Variants in ASB9 observed in about 807,000 individuals in gnomAD.
ASB9 encodes the protein ankyrin repeat and SOCS box containing 9.
A neutral mutation model predicts 16.6 loss-of-function variants in ASB9; 5 were observed. That is an observed-to-expected ratio of 0.30 (90% CI 0.16 to 0.63). ASB9 has a LOEUF of 0.63. Ranked by LOEUF, ASB9 falls within the 30% of genes least tolerant of loss-of-function variation. The pLI, the probability that ASB9 is intolerant of heterozygous loss-of-function variation, is 0.82. For synonymous variants in ASB9, 100 were observed against 86.4 expected (o/e 1.16, Z -0.87); for missense variants, 216 against 229.4 (o/e 0.94, Z 0.38).
chrX:15,246,649 T>C (rs921463787), intron 6 of ASB9, among the ~76,000 whole-genome samples: 1 of 110,942 alleles, frequency 9.0e-6, no homozygotes, highest in African/African-American at 3.3e-5. Context: ...CTAATTTTTT[T>C]TGTATTTTTA....
intron 1 of ASB9, among the ~76,000 whole-genome samples, chrX:15,264,846 T>C (rs1182574251): frequency 1.8e-5 from 2 of 111,558 alleles, no homozygotes; most frequent in Admixed American, 1.9e-4. Flanking sequence ...AGGTGGAAAG[T>C]CTAGGAGGGC....
chrX:15,266,045 C>T (rs918996716), intron 1 of ASB9, among the ~76,000 whole-genome samples: 23 of 110,900 alleles, frequency 2.1e-4, no homozygotes, highest in Admixed American at 1.4e-3. Flanking sequence ...TCAGGTGATC[C>T]GCCTGCCTCG....
intron 2 of ASB9, among the ~76,000 whole-genome samples, chrX:15,255,447 G>T (rs1021456141): frequency 2.7e-5 from 3 of 111,373 alleles, no homozygotes; most frequent in Admixed American, 9.5e-5. Flanking sequence ...CAAGGAAATC[G>T]GGATAATGGT....
At chrX:15,255,254 C>T (rs1037239890) in intron 2 of ASB9, among the ~76,000 whole-genome samples, 7 of 111,623 alleles carry the variant, frequency 6.3e-5, no homozygotes, top group Non-Finnish European at 1.1e-4. Context: ...AAAGATTACA[C>T]CCAACAAATC....
At chrX:15,257,749 T>C (rs922629308) in intron 2 of ASB9, among the ~76,000 whole-genome samples, 5 of 112,082 alleles carry the variant, frequency 4.5e-5, no homozygotes, top group Non-Finnish European at 9.4e-5. Flanking sequence ...AACTTTAATA[T>C]ATCTATTTTC....
intron 4 of ASB9, among the ~76,000 whole-genome samples, chrX:15,251,546 C>T (rs1925120862): frequency 8.9e-6 from 1 of 111,998 alleles, no homozygotes; most frequent in South Asian, 3.7e-4. Flanking sequence ...TTTGGGAGAT[C>T]ATTATGAGTG....
At chrX:15,262,300 G>C (rs1926035389) in intron 1 of ASB9, among the ~76,000 whole-genome samples, 1 of 111,730 alleles carries the variant, frequency 9.0e-6, no homozygotes. Flanking sequence ...CAATTCTCCT[G>C]AATATGCACC....
At chrX:15,263,294 A>G (rs1046250726) in intron 1 of ASB9, among the ~76,000 whole-genome samples, 4 of 111,483 alleles carry the variant, frequency 3.6e-5, no homozygotes, top group African/African-American at 6.5e-5. Context: ...TTCAGTCTTC[A>G]GGACACAATA....
chrX:15,252,399 A>G lies in ASB9; in HGVS notation c.288T>C (p.Asn96=), dbSNP rs1280839133. 8.4e-7 allele frequency: 1 copy of G among 1,196,364 alleles called. No homozygotes were observed. The highest frequency in any genetic ancestry group is 1.1e-6 in the Non-Finnish European group (1 of 888,103). ...GAGTGTGCCAGTCTGCTGTCACACC[A>G]TTCACCTGGTAAAAGAAGCTCCAGA... ...KILLKHGAQV[N]GVTADWHTPL... Residue 96 remains asparagine, a synonymous_variant, in exon 4 of 7, where the codon AAT becomes AAC. Coordinates refer to ENST00000380488, the MANE Select transcript of ASB9 (RefSeq NM_001031739.3).
intron 2 of ASB9, 65 bp downstream of exon 2, chrX:15,258,801 T>G: frequency 2.2e-6 from 2 of 904,450 alleles, no homozygotes; most frequent in Non-Finnish European, 3.2e-6. Context: ...CCCTATGTTA[T>G]TATGTCACAC....
chrX:15,251,827 TAGA>T, intron 4 of ASB9, among the ~76,000 whole-genome samples: 1 of 112,656 alleles, frequency 8.9e-6, no homozygotes, highest in East Asian at 2.8e-4. Context: ...GGCCCTGAAA[TAGA>T]AGAATATAAT....
intron 4 of ASB9, among the ~76,000 whole-genome samples, 157 bp downstream of exon 4, chrX:15,252,097 A>G (rs769422690): frequency 8.9e-6 from 1 of 112,938 alleles, no homozygotes; most frequent in East Asian, 2.8e-4. Flanking sequence ...AGGCCGAAGA[A>G]TCTGCATTTG....
At chrX:15,248,650 A>G (rs1325434223) in intron 6 of ASB9, 94 bp downstream of exon 6, 3 of 1,118,408 alleles carry the variant, frequency 2.7e-6, no homozygotes, top group Admixed American at 6.2e-5. Context: ...ATCTTTTTAT[A>G]GGAATGGGAG....
chrX:15,248,495 C>T (rs180791950), intron 6 of ASB9, among the ~76,000 whole-genome samples: 1 of 111,450 alleles, frequency 9.0e-6, no homozygotes, highest in African/African-American at 3.3e-5. Flanking sequence ...ACTGGCCTAC[C>T]CCATAATGAA....
intron 2 of ASB9, among the ~76,000 whole-genome samples, chrX:15,256,553 G>A (rs1266055195): frequency 5.6e-5 from 6 of 107,333 alleles, no homozygotes; most frequent in Admixed American, 1.0e-4. Context: ...CGAGGCAGGC[G>A]GATCACGAGG....
intron 1 of ASB9, among the ~76,000 whole-genome samples, chrX:15,266,487 C>A (rs775453401): frequency 8.9e-6 from 1 of 112,074 alleles, no homozygotes; most frequent in Non-Finnish European, 1.9e-5. Context: ...TTATCTGCCA[C>A]TCCATCTCTT....
chrX:15,244,461 C>G lies in ASB9; in HGVS notation c.*45G>C. 1 of 1,161,267 alleles carries G rather than the reference C, an allele frequency of 8.6e-7. No individual in the cohort carries two copies. Among genetic ancestry groups the G allele is most frequent in the Non-Finnish European group, 1.2e-6 (1 of 852,075 alleles). On this transcript the variant is annotated 3_prime_UTR_variant, in exon 7 of 7. Transcript: ENST00000380488. ...TTAAAATTCTAGTGGCTACAACACT[C>G]AATAATGTTTTCACATCGTTTGTGA...
intron 6 of ASB9, among the ~76,000 whole-genome samples, chrX:15,246,012 G>A (rs920071799): frequency 1.2e-4 from 13 of 111,722 alleles, no homozygotes; most frequent in African/African-American, 3.9e-4. Context: ...TGTTCTCAAG[G>A]CACATATTAA....
intron 1 of ASB9, among the ~76,000 whole-genome samples, chrX:15,268,029 G>C (rs1926670005): frequency 1.8e-5 from 2 of 110,216 alleles, no homozygotes; most frequent in Non-Finnish European, 3.8e-5. Context: ...CTGTATAGTA[G>C]ATTAATAAAC....
Sources: gnomAD v4.1 joint callset for allele counts (sites outside exome capture counted in the v4.1 genomes callset) on GRCh38, gnomAD v4.1.1 for gene constraint, MANE v1.5 for transcripts, NCBI Gene and HGNC (gene_info 2026-07-23, HGNC 2026-07-21) for gene names.